Variants in ZNF143 observed in about 807,000 individuals in gnomAD.
ZNF143 encodes the protein zinc finger protein 143, also known as SPH-binding factor.
In ZNF143, 49 loss-of-function variants were observed where a neutral mutation model predicts 74.1. That is an observed-to-expected ratio of 0.66 (90% CI 0.53 to 0.84). The LOEUF (loss-of-function observed/expected upper bound fraction) is 0.84, where lower values mean the gene tolerates loss of function less well. Among genes scored for constraint, ZNF143 ranks in the 40% least tolerant of loss-of-function variants. The pLI is 0.00. For synonymous variants in ZNF143, 304 were observed against 282.8 expected (o/e 1.07, Z -0.75); for missense variants, 637 against 793.4 (o/e 0.80, Z 2.37).
intron 13 of ZNF143, among the ~76,000 whole-genome samples, chr11:9,515,578 C>T (rs888432289): frequency 2.0e-5 from 3 of 150,680 alleles, no homozygotes; most frequent in Non-Finnish European, 4.4e-5. Flanking sequence ...GGCATGAACC[C>T]GGGAGGCGGA....
chr11:9,514,636 T>C (rs1173979194), intron 13 of ZNF143, among the ~76,000 whole-genome samples: 3 of 152,318 alleles, frequency 2.0e-5, no homozygotes, highest in East Asian at 1.9e-4. Context: ...GGGTGTTCAG[T>C]TGGGTCTTGA....
intron 13 of ZNF143, 103 bp from the exon 14 acceptor site, chr11:9,516,098 A>G: frequency 2.0e-6 from 2 of 989,542 alleles, no homozygotes; most frequent in South Asian, 4.1e-5. Flanking sequence ...GCTTATTTAC[A>G]TCCACAGGGC....
rs977613883 is a variant in ZNF143, at chr11:9,524,104, C to T, written c.1687-1136C>T. ...GTTTATACAAAGATTTGGGGGCTTC[C>T]CACTCAAATTCTTTGCTTTCTGGGC... On this transcript the variant is annotated intron_variant, in intron 14 of 15. Coordinates refer to ENST00000396602, the MANE Select transcript of ZNF143 (RefSeq NM_003442.6). 3.9e-5 allele frequency among the ~76,000 whole-genome samples: 6 copies of T among 151,922 alleles called. No individual in the cohort carries two copies. In the East Asian group the frequency reaches 9.7e-4, roughly 24 times the overall value.
intron 1 of ZNF143, among the ~76,000 whole-genome samples, chr11:9,464,280 C>T (rs949330964): frequency 1.9e-4 from 29 of 152,166 alleles, no homozygotes; most frequent in Middle Eastern, 3.4e-3. Context: ...TACAGGTGCA[C>T]GCCACAATGC....
At chr11:9,474,203 G>T (rs1856750634) in intron 4 of ZNF143, among the ~76,000 whole-genome samples, 179 bp downstream of exon 4, 7 of 152,152 alleles carry the variant, frequency 4.6e-5, no homozygotes, top group Admixed American at 4.6e-4. Context: ...AAAGATAATG[G>T]AAAAGAAGTT....
At chr11:9,482,059 C>T (rs1426701197) in intron 7 of ZNF143, among the ~76,000 whole-genome samples, 3 of 147,048 alleles carry the variant, frequency 2.0e-5, no homozygotes, top group African/African-American at 7.5e-5. Context: ...CAAGCTCTGC[C>T]TCCCGGGTTC....
chr11:9,503,642 CTTT>C (rs796242391), intron 11 of ZNF143, among the ~76,000 whole-genome samples: 5 of 138,072 alleles, frequency 3.6e-5, no homozygotes, highest in Non-Finnish European at 1.6e-5. Context: ...TGATGTGAAG[CTTT>C]TTTTTTTTTT....
chr11:9,514,783 T>C (rs1409945082), intron 13 of ZNF143, among the ~76,000 whole-genome samples: 1 of 152,210 alleles, frequency 6.6e-6, no homozygotes, highest in African/African-American at 2.4e-5. Context: ...CAGTGGAAGA[T>C]GAGCCTGGGG....
chr11:9,475,341 C>T (rs908274368), intron 5 of ZNF143, among the ~76,000 whole-genome samples: 2 of 151,942 alleles, frequency 1.3e-5, no homozygotes, highest in African/African-American at 4.8e-5. Flanking sequence ...CTCACTATAG[C>T]CCTGAATTCC....
chr11:9,477,175 T>TTCC (rs1166182667), intron 5 of ZNF143, among the ~76,000 whole-genome samples: 4 of 92,182 alleles, frequency 4.3e-5, no homozygotes, highest in African/African-American at 1.4e-4. Flanking sequence ...TCCTTCCTCC[T>TTCC]CTCCCTTCCC....
chr11:9,500,479 G>C (rs1302300034), intron 10 of ZNF143, among the ~76,000 whole-genome samples: 4 of 151,958 alleles, frequency 2.6e-5, no homozygotes, highest in Admixed American at 2.6e-4. Flanking sequence ...TGTCGCCGAG[G>C]CTGGAGTGCA....
chr11:9,475,897 C>CAAAAA (rs143515065), intron 5 of ZNF143, among the ~76,000 whole-genome samples: 1 of 142,822 alleles, frequency 7.0e-6, no homozygotes. Flanking sequence ...GACCCTGTCT[C>CAAAAA]AAAAAAATAT....
In ZNF143 at chr11:9,522,201, A is replaced by T. The variant is rs180716065; in HGVS notation, c.1687-3039A>T. Among the ~76,000 whole-genome samples, 54 of 152,080 alleles carry T rather than the reference A, an allele frequency of 3.6e-4. No individual in the cohort carries two copies. The East Asian group carries it at 9.0e-3, about 25-fold the overall frequency. On this transcript the variant is annotated intron_variant, in intron 14 of 15. Coordinates refer to ENST00000396602, the MANE Select transcript of ZNF143 (RefSeq NM_003442.6). ...TACCTTAAGAAAAATTAAACAAAAAAAGTAAATGGAAGGAAATAAGGACTG... is the reference window on the plus strand; with the variant it reads ...TACCTTAAGAAAAATTAAACAAAAATAGTAAATGGAAGGAAATAAGGACTG...
chr11:9,490,680 A>G (rs1489657443), intron 7 of ZNF143, among the ~76,000 whole-genome samples: 3 of 152,262 alleles, frequency 2.0e-5, no homozygotes, highest in East Asian at 3.9e-4. Flanking sequence ...TATTAAAATA[A>G]TAGTTGATTT....
chr11:9,483,298 T>A (rs1847324012), intron 7 of ZNF143, among the ~76,000 whole-genome samples: 1 of 128,350 alleles, frequency 7.8e-6, no homozygotes. Flanking sequence ...CTTTTTTTTT[T>A]TTTTTTTTTT....
chr11:9,522,575 C>G (rs933238575), intron 14 of ZNF143, among the ~76,000 whole-genome samples: 11 of 152,166 alleles, frequency 7.2e-5, no homozygotes, highest in Admixed American at 3.9e-4. Flanking sequence ...CTCACTGCAA[C>G]CTCCGCCTCC....
intron 3 of ZNF143, 125 bp from the exon 4 acceptor site, chr11:9,473,816 G>T: frequency 6.3e-7 from 1 of 1,585,668 alleles, no homozygotes. Flanking sequence ...AGAACATTGA[G>T]GGAAGAATCA....
At chr11:9,508,908 T>G in intron 12 of ZNF143, 62 bp downstream of exon 12, 1 of 1,469,552 alleles carries the variant, frequency 6.8e-7, no homozygotes, top group Non-Finnish European at 9.3e-7. Context: ...ATGAACATAA[T>G]TTATGATTCA....
chr11:9,492,340 G>A (rs1423805111), intron 7 of ZNF143, among the ~76,000 whole-genome samples: 4 of 151,780 alleles, frequency 2.6e-5, no homozygotes, highest in Non-Finnish European at 4.4e-5. Flanking sequence ...TCGAACTTCC[G>A]TCCTCAGGTG....
Sources: gnomAD v4.1 joint callset for allele counts (sites outside exome capture counted in the v4.1 genomes callset) on GRCh38, gnomAD v4.1.1 for gene constraint, MANE v1.5 for transcripts, NCBI Gene and HGNC (gene_info 2026-07-23, HGNC 2026-07-21) for gene names.